CACNA2D1: variants seen among roughly 807,000 people sequenced by gnomAD.
CACNA2D1 encodes the protein calcium voltage-gated channel auxiliary subunit alpha2delta 1.
In CACNA2D1, 53 loss-of-function variants were observed where a neutral mutation model predicts 171.5. That is an observed-to-expected ratio of 0.31 (90% CI 0.25 to 0.39). The LOEUF (loss-of-function observed/expected upper bound fraction) is 0.39. Ranked by LOEUF, CACNA2D1 falls within the 10% of genes least tolerant of loss-of-function variation. CACNA2D1 has a pLI of 1.00. For missense variants in CACNA2D1, 903 were observed against 1,299.8 expected (o/e 0.69, Z 4.69); for synonymous variants, 442 against 443.1 (o/e 1.00, Z 0.03).
At chr7:82,048,602 A>T (rs1230350266) in intron 10 of CACNA2D1, among the ~76,000 whole-genome samples, 1 of 152,128 alleles carries the variant, frequency 6.6e-6, no homozygotes, top group Admixed American at 6.5e-5. Flanking sequence ...TTATTCAACA[A>T]TTAAGATTGC....
chr7:82,085,022 C>A lies in CACNA2D1; in HGVS notation c.527-122G>T, dbSNP rs182128207. The A allele has an allele frequency of 5.6e-6, 5 of 894,988 alleles. No individual in the cohort carries two copies. The Admixed American group carries it at 8.6e-5, about 15-fold the overall frequency. The allele number at this position is 894,988 out of a possible 1,614,324, so 55.4% of individuals were successfully genotyped here. A position where few individuals can be genotyped will look rare whatever the true frequency, so the allele number is the denominator to read the frequency against. ...GTTCTACCTATAAAATAACTCTAAT[C>A]CAGTAGTTATCAACAAGTTTTCGAC... On this transcript the variant is annotated intron_variant, in intron 6 of 38. Coordinates refer to ENST00000356860, the MANE Select transcript of CACNA2D1 (RefSeq NM_000722.4).
intron 7 of CACNA2D1, among the ~76,000 whole-genome samples, chr7:82,080,085 A>C (rs1809546486): frequency 6.6e-6 from 1 of 150,728 alleles, no homozygotes; most frequent in African/African-American, 2.4e-5. Flanking sequence ...ATATGCGTAC[A>C]TATGTATAGA....
chr7:82,307,276 C>T (rs1813851738), intron 3 of CACNA2D1, among the ~76,000 whole-genome samples: 1 of 151,976 alleles, frequency 6.6e-6, no homozygotes, highest in Admixed American at 6.6e-5. Context: ...GCCTTGGCCT[C>T]CCAAGTAGCT....
rs1369365343 is a variant in CACNA2D1, at chr7:82,010,820, A to G, written c.1362+1334T>C. Among the ~76,000 whole-genome samples, 4 of 152,152 alleles carry G rather than the reference A, an allele frequency of 2.6e-5. No individual in the cohort carries two copies. The East Asian group carries it at 7.7e-4, about 29-fold the overall frequency. On this transcript the variant is annotated intron_variant, in intron 15 of 38. Coordinates refer to ENST00000356860, the MANE Select transcript of CACNA2D1 (RefSeq NM_000722.4). ...TTCTAAATGGACTGCATTTTGCCCTATGGGTTCATCATTACATTTGGAAAA... is the reference window on the plus strand; with the variant it reads ...TTCTAAATGGACTGCATTTTGCCCTGTGGGTTCATCATTACATTTGGAAAA...
chr7:82,258,033 T>C (rs915889557), intron 3 of CACNA2D1, among the ~76,000 whole-genome samples: 2 of 152,156 alleles, frequency 1.3e-5, no homozygotes, highest in African/African-American at 2.4e-5. Context: ...CAAATGCTTC[T>C]GAAAGCAGGT....
chr7:82,069,398 G>A (rs887839974), intron 7 of CACNA2D1, among the ~76,000 whole-genome samples: 16 of 152,138 alleles, frequency 1.1e-4, no homozygotes, highest in Non-Finnish European at 2.4e-4. Flanking sequence ...AACTGAAAAT[G>A]ACAGTTCACA....
intron 5 of CACNA2D1, among the ~76,000 whole-genome samples, chr7:82,128,978 C>T (rs1790653076): frequency 1.3e-5 from 2 of 152,016 alleles, no homozygotes; most frequent in African/African-American, 2.4e-5. Context: ...ATGTTATATC[C>T]AAAGGTATTC....
chr7:81,967,805 A>C (rs985426642), intron 29 of CACNA2D1, 142 bp from the exon 30 acceptor site: 24 of 586,096 alleles, frequency 4.1e-5, no homozygotes, highest in Non-Finnish European at 3.1e-6. Flanking sequence ...AAATAATGCT[A>C]ATAGCTCTTA....
intron 7 of CACNA2D1, among the ~76,000 whole-genome samples, chr7:82,069,577 T>C (rs1039856182): frequency 2.0e-5 from 3 of 152,194 alleles, no homozygotes; most frequent in African/African-American, 4.8e-5. Flanking sequence ...TATCAAATTG[T>C]TGATTTAAGC....
At chr7:82,302,062 C>G (rs1813081146) in intron 3 of CACNA2D1, among the ~76,000 whole-genome samples, 1 of 151,986 alleles carries the variant, frequency 6.6e-6, no homozygotes, top group Non-Finnish European at 1.5e-5. Context: ...CTGGCCTACG[C>G]TTTTATATTT....
chr7:82,243,405 G>A (rs928624766), intron 3 of CACNA2D1, among the ~76,000 whole-genome samples: 7 of 152,166 alleles, frequency 4.6e-5, no homozygotes, highest in African/African-American at 1.7e-4. Flanking sequence ...TTTAAAGATG[G>A]TTGACATATG....
At chr7:82,092,107 T>C (rs1383370456) in intron 6 of CACNA2D1, among the ~76,000 whole-genome samples, 1 of 152,210 alleles carries the variant, frequency 6.6e-6, no homozygotes, top group Non-Finnish European at 1.5e-5. Flanking sequence ...CAGTCAGTAA[T>C]TTCCTCTTCC....
At chr7:82,387,175 C>T (rs1278078003) in intron 1 of CACNA2D1, among the ~76,000 whole-genome samples, 1 of 152,040 alleles carries the variant, frequency 6.6e-6, no homozygotes, top group Non-Finnish European at 1.5e-5. Context: ...TAAATTAATA[C>T]ATATTGCTAG....
intron 1 of CACNA2D1, chr7:82,410,671 C>A (rs1230010860): frequency 5.2e-5 from 10 of 192,848 alleles, no homozygotes; most frequent in Non-Finnish European, 9.5e-5. Context: ...CTGCTCCCAA[C>A]TGCTGCTAGC....
chr7:81,975,993 TA>T (rs35393698), intron 24 of CACNA2D1, among the ~76,000 whole-genome samples: 110,739 of 148,664 alleles, frequency 0.74, 41,021 homozygotes, highest in African/African-American at 0.77. Context: ...AATGTTACAT[TA>T]AAAAAAAAAA....
chr7:82,142,226 T>C (rs948382345), intron 4 of CACNA2D1, among the ~76,000 whole-genome samples: 1 of 152,242 alleles, frequency 6.6e-6, no homozygotes, highest in African/African-American at 2.4e-5. Flanking sequence ...TGCAGTTTAG[T>C]TATTTATTAT....
chr7:81,965,505 G>C (rs550720686), intron 32 of CACNA2D1, 89 bp downstream of exon 32: 1 of 787,854 alleles, frequency 1.3e-6, no homozygotes, highest in South Asian at 1.4e-5. Context: ...ACAACTCATC[G>C]ATTTCTAAAA....
intron 4 of CACNA2D1, among the ~76,000 whole-genome samples, chr7:82,150,291 A>C (rs1308923049): frequency 1.4e-5 from 2 of 143,752 alleles, no homozygotes; most frequent in Non-Finnish European, 3.0e-5. Flanking sequence ...ACAAAAAAAA[A>C]CACCCTAGTA....
At chr7:82,426,077 GC>G (rs1829148246) in intron 1 of CACNA2D1, among the ~76,000 whole-genome samples, 1 of 151,440 alleles carries the variant, frequency 6.6e-6, no homozygotes, top group African/African-American at 2.4e-5. Flanking sequence ...GCTGCAATGA[GC>G]CAAGATTGCA....
Sources: allele counts gnomAD v4.1 joint callset (sites outside exome capture counted in the v4.1 genomes callset), GRCh38; gene constraint gnomAD v4.1.1; transcripts MANE v1.5; gene names NCBI Gene and HGNC (gene_info 2026-07-23, HGNC 2026-07-21).